PTPRD: variants seen among roughly 807,000 people sequenced by gnomAD.
The protein encoded by PTPRD is receptor-type tyrosine-protein phosphatase delta.
A neutral mutation model predicts 214.5 loss-of-function variants in PTPRD; 34 were observed. The ratio of observed to expected loss-of-function variants is 0.16; its 90% CI spans 0.12 to 0.21. The LOEUF is 0.21. Ranked by LOEUF, PTPRD falls within the 10% of genes least tolerant of loss-of-function variation. PTPRD has a pLI of 1.00. For synonymous variants in PTPRD, 1,128 were observed against 845.7 expected (o/e 1.33, Z -5.79); for missense variants, 2,545 against 2,398.7 (o/e 1.06, Z -1.27).
chr9:9,062,558 AT>A (rs2099709453), intron 10 of PTPRD, among the ~76,000 whole-genome samples: 2 of 686 alleles, frequency 2.9e-3, no homozygotes, highest in South Asian at 0.33. Flanking sequence ...TCCATATATT[AT>A]CTATCTATCT....
chr9:8,558,038 T>C (rs2084676109), intron 14 of PTPRD, among the ~76,000 whole-genome samples: 1 of 152,156 alleles, frequency 6.6e-6, no homozygotes, highest in Non-Finnish European at 1.5e-5. Flanking sequence ...CTATTATTTC[T>C]GCTACAATAA....
intron 2 of PTPRD, among the ~76,000 whole-genome samples, chr9:10,551,080 T>C (rs531146582): frequency 2.0e-5 from 3 of 152,304 alleles, no homozygotes; most frequent in South Asian, 2.1e-4. Flanking sequence ...ATGCCTGTAA[T>C]CGCAGTCCTT....
chr9:8,631,140 T>C (rs547547981), intron 14 of PTPRD, among the ~76,000 whole-genome samples: 3 of 151,990 alleles, frequency 2.0e-5, no homozygotes, highest in African/African-American at 7.2e-5. Context: ...GAACTATGTA[T>C]GTATATTCAG....
intron 7 of PTPRD, among the ~76,000 whole-genome samples, chr9:9,704,327 G>C (rs1027132681): frequency 6.6e-6 from 1 of 151,634 alleles, no homozygotes; most frequent in African/African-American, 2.4e-5. Context: ...CTTTACGTCT[G>C]TTTAATCATA....
intron 14 of PTPRD, among the ~76,000 whole-genome samples, chr9:8,545,659 G>C (rs769511269): frequency 1.3e-4 from 20 of 152,094 alleles, no homozygotes; most frequent in Non-Finnish European, 2.2e-4. Context: ...CAATAACTGA[G>C]TCTACAGAGA....
At chr9:9,364,344 T>C (rs1352160728) in intron 9 of PTPRD, among the ~76,000 whole-genome samples, 2 of 151,442 alleles carry the variant, frequency 1.3e-5, no homozygotes, top group Non-Finnish European at 3.0e-5. Flanking sequence ...AGTGCTTACA[T>C]TCTAATGGAG....
intron 5 of PTPRD, among the ~76,000 whole-genome samples, chr9:9,876,277 C>T (rs939601036): frequency 2.0e-5 from 3 of 152,026 alleles, no homozygotes; most frequent in Non-Finnish European, 4.4e-5. Flanking sequence ...TATATGATTT[C>T]TTTCTAATAA....
chr9:9,180,364 G>T (rs751343414), intron 10 of PTPRD, among the ~76,000 whole-genome samples: 2 of 147,366 alleles, frequency 1.4e-5, no homozygotes, highest in Non-Finnish European at 3.0e-5. Flanking sequence ...ACCAAATACC[G>T]CATATTCTCA....
chr9:9,978,675 A>G (rs1160020226), intron 4 of PTPRD, among the ~76,000 whole-genome samples: 3 of 152,120 alleles, frequency 2.0e-5, no homozygotes, highest in Non-Finnish European at 2.9e-5. Flanking sequence ...ATATATGCAC[A>G]GATAGATATA....
intron 9 of PTPRD, among the ~76,000 whole-genome samples, chr9:9,195,929 T>C (rs919960931): frequency 6.6e-6 from 1 of 152,122 alleles, no homozygotes; most frequent in African/African-American, 2.4e-5. Flanking sequence ...ATTTAGAAAA[T>C]ATTTTAAAAA....
chr9:8,457,923 G>C (rs571855338), intron 33 of PTPRD, among the ~76,000 whole-genome samples: 1 of 152,194 alleles, frequency 6.6e-6, no homozygotes, highest in Non-Finnish European at 1.5e-5. Context: ...AGCTATAAAA[G>C]ACACTATTCA....
At chr9:8,849,448 G>C (rs572359397) in intron 11 of PTPRD, among the ~76,000 whole-genome samples, 5 of 152,148 alleles carry the variant, frequency 3.3e-5, no homozygotes, top group South Asian at 4.1e-4. Flanking sequence ...GAATGGTCTC[G>C]ATCTCCTGAC....
intron 4 of PTPRD, among the ~76,000 whole-genome samples, chr9:9,993,415 G>A (rs891403196): frequency 1.3e-5 from 2 of 152,126 alleles, no homozygotes; most frequent in African/African-American, 2.4e-5. Context: ...ACATTCATTA[G>A]TAGTTAAAGG....
At chr9:8,800,079 G>A (rs1205616277) in intron 11 of PTPRD, among the ~76,000 whole-genome samples, 2 of 151,912 alleles carry the variant, frequency 1.3e-5, no homozygotes, top group East Asian at 2.0e-4. Flanking sequence ...TATTTGTCAA[G>A]GCTCCAAAGG....
At chr9:9,729,343 G>T (rs538708940) in intron 7 of PTPRD, among the ~76,000 whole-genome samples, 5 of 152,138 alleles carry the variant, frequency 3.3e-5, no homozygotes, top group African/African-American at 1.2e-4. Context: ...CCTTTGCAGA[G>T]GAAGAGAAAG....
chr9:9,608,959 A>AT (rs1353555003), intron 7 of PTPRD, among the ~76,000 whole-genome samples: 6 of 151,882 alleles, frequency 4.0e-5, no homozygotes, highest in Non-Finnish European at 7.4e-5. Flanking sequence ...CTGATTCTTT[A>AT]TTTTTCCTGT....
At chr9:10,608,999 G>A (rs543827089) in intron 2 of PTPRD, among the ~76,000 whole-genome samples, 1 of 152,064 alleles carries the variant, frequency 6.6e-6, no homozygotes, top group African/African-American at 2.4e-5. Context: ...AAATGGCATT[G>A]AACTGGGTAC....
intron 4 of PTPRD, among the ~76,000 whole-genome samples, chr9:10,012,360 TG>T (rs548818390): frequency 2.0e-4 from 31 of 151,766 alleles, no homozygotes; most frequent in African/African-American, 7.0e-4. Context: ...GAAAAGCAGA[TG>T]GAAAAAAAAA....
rs554698216 is a variant in PTPRD at position 10,230,928 on chromosome 9, C to T, written c.-545+110035G>A. 6.6e-5 allele frequency among the ~76,000 whole-genome samples: 10 copies of T among 152,024 alleles called. No individual in the cohort carries two copies. In the Middle Eastern group the frequency reaches 0.014, roughly 208 times the overall value. On this transcript the variant is annotated intron_variant, in intron 3 of 45. Transcript: ENST00000381196. ...TTATGCTAATAACTCTAGGCTATCACGTACATTGGTAGATTATTGAGAATC... is the reference window on the plus strand; with the variant it reads ...TTATGCTAATAACTCTAGGCTATCATGTACATTGGTAGATTATTGAGAATC...
Sources: gnomAD v4.1 joint callset for allele counts (sites outside exome capture counted in the v4.1 genomes callset) on GRCh38, gnomAD v4.1.1 for gene constraint, MANE v1.5 for transcripts, NCBI Gene and HGNC (gene_info 2026-07-23, HGNC 2026-07-21) for gene names.